Variants in EPS15 observed in about 807,000 individuals in gnomAD.
EPS15 encodes epidermal growth factor receptor substrate 15.
EPS15 carries 72 observed loss-of-function variants against 113.8 expected under a neutral mutation model. The ratio of observed to expected loss-of-function variants is 0.63; its 90% confidence interval spans 0.52 to 0.77. The LOEUF is 0.77. Ranked by LOEUF, EPS15 falls within the 30% of genes least tolerant of loss-of-function variation. The probability of loss-of-function intolerance (pLI) is 0.00; values close to 1 mark genes in which losing one functional copy is unlikely to be tolerated. For missense variants in EPS15, 1,048 were observed against 1,045.8 expected (o/e 1.00, Z -0.03); for synonymous variants, 344 against 363.4 (o/e 0.95, Z 0.61).
intron 21 of EPS15, among the ~76,000 whole-genome samples, chr1:51,370,878 C>T (rs1302691165): frequency 6.6e-6 from 1 of 151,336 alleles, no homozygotes; most frequent in East Asian, 2.0e-4. Context: ...CTCAGCCTTC[C>T]AAAGTGCTGG....
intron 23 of EPS15, 55 bp from the exon 24 acceptor site, chr1:51,361,410 C>CCTGGAGGTTGTGT: frequency 7.4e-7 from 1 of 1,357,690 alleles, no homozygotes; most frequent in East Asian, 2.3e-5. Flanking sequence ...AATACAAGCA[C>CCTGGAGGTTGTGT]ACAAGAACAT....
chr1:51,446,429 T>A (rs914213978), intron 10 of EPS15, among the ~76,000 whole-genome samples: 3 of 151,550 alleles, frequency 2.0e-5, no homozygotes, highest in African/African-American at 7.3e-5. Context: ...AACATTCTAA[T>A]AACAATTAAC....
chr1:51,405,471 T>C (rs920319722), intron 16 of EPS15, among the ~76,000 whole-genome samples: 3 of 152,136 alleles, frequency 2.0e-5, no homozygotes, highest in Non-Finnish European at 4.4e-5. Flanking sequence ...CCGAGGCAGA[T>C]GGGTCACTTG....
chr1:51,478,423 T>C (rs1643955986), intron 2 of EPS15, among the ~76,000 whole-genome samples: 1 of 152,182 alleles, frequency 6.6e-6, no homozygotes, highest in African/African-American at 2.4e-5. Context: ...TGCCAGTCTG[T>C]GTCTTTTAAT....
intron 13 of EPS15, among the ~76,000 whole-genome samples, chr1:51,413,498 T>A (rs566622845): frequency 2.0e-4 from 30 of 152,334 alleles, no homozygotes; most frequent in African/African-American, 7.2e-4. Context: ...GAAACACGCA[T>A]GAGACTGACA....
intron 1 of EPS15, among the ~76,000 whole-genome samples, chr1:51,508,252 G>GAGAA (rs1476849786): frequency 0.03 from 2,933 of 98,998 alleles, 49 homozygotes; most frequent in East Asian, 0.12. Flanking sequence ...GAGAGAAAGA[G>GAGAA]AGAGAGAGAG....
chr1:51,431,024 AC>A lies in EPS15; in HGVS notation c.1041-9167del, dbSNP rs1557462663. Among the ~76,000 whole-genome samples the A allele has an allele frequency of 2.9e-3, 351 of 121,478 alleles. 1 individual carries two copies. Among genetic ancestry groups the A allele is most frequent in the African/African-American group, 7.2e-3 (192 of 26,630 alleles). The allele number at this position is 121,478 out of a possible 152,430, so 79.7% of individuals were successfully genotyped here. A position where few individuals can be genotyped will look rare whatever the true frequency, so the allele number is the denominator to read the frequency against. The stretch of plus-strand genomic sequence containing the variant: ...CACACACACACACACACACACACAC[AC>A]ACAAAAATAAAACTTGCCTTAATTA... On this transcript the variant is annotated intron_variant, in intron 12 of 24. Transcript: ENST00000371733.
chr1:51,477,272 T>C (rs1172640820), intron 2 of EPS15, among the ~76,000 whole-genome samples: 1 of 152,198 alleles, frequency 6.6e-6, no homozygotes, highest in Non-Finnish European at 1.5e-5. Flanking sequence ...TGATGGTAGT[T>C]TGTATTTCTG....
Position 51,468,336 on chromosome 1 carries a change from T to G in EPS15, c.309+137A>C, listed in dbSNP as rs1041907488. On this transcript the variant is annotated intron_variant, in intron 5 of 24. Coordinates refer to ENST00000371733, the MANE Select transcript of EPS15 (RefSeq NM_001981.3). ...ATTAACTAAAAACAGCAGGAGCCAG[T>G]AGGGGGAAAAAAGCCAAGTAGCTGA... 3 of 678,568 alleles carry G rather than the reference T, an allele frequency of 4.4e-6. No individual in the cohort carries two copies. The African/African-American group carries it at 5.4e-5, about 12-fold the overall frequency. 42.0% of individuals were successfully genotyped at this position (678,568 alleles called of 1,614,324 possible).
intron 1 of EPS15, among the ~76,000 whole-genome samples, chr1:51,508,244 G>GAAAAGAAA (rs57780777): frequency 9.1e-3 from 440 of 48,414 alleles, no homozygotes; most frequent in South Asian, 0.032. Context: ...AAAAGAAAGA[G>GAAAAGAAA]AGAAAGAGAG....
In EPS15 at chr1:51,465,300, GAT is replaced by G; in HGVS notation, c.334_335del (p.Ile112GlnfsTer7). 1 of 1,611,172 alleles carries G rather than the reference GAT, an allele frequency of 6.2e-7. No homozygotes were observed. Among genetic ancestry groups the G allele is most frequent in the East Asian group, 2.2e-5 (1 of 44,768 alleles). ...RFHDTSSPLL[I>X]SGTSAAELPW... The stretch of plus-strand genomic sequence containing the variant: ...GGAGCTCAGCTGCAGAGGTTCCACT[GAT>G]TAGCAAAGGACTACTGGTATCATGC... On this transcript the variant is annotated frameshift_variant, in exon 6 of 25. Transcript: ENST00000371733. LOFTEE classifies it high-confidence loss of function.
chr1:51,512,206 C>T (rs1278550506), intron 1 of EPS15, among the ~76,000 whole-genome samples: 2 of 152,112 alleles, frequency 1.3e-5, no homozygotes, highest in African/African-American at 2.4e-5. Context: ...AAATAAGTCA[C>T]CAGTTCATTT....
chr1:51,487,745 A>G (rs1646890064), intron 1 of EPS15, among the ~76,000 whole-genome samples: 1 of 152,362 alleles, frequency 6.6e-6, no homozygotes, highest in South Asian at 2.1e-4. Context: ...AGGAGAAGAT[A>G]TTAGCTCACC....
At chr1:51,501,079 T>C (rs1031065555) in intron 1 of EPS15, among the ~76,000 whole-genome samples, 13 of 151,912 alleles carry the variant, frequency 8.6e-5, no homozygotes, top group Non-Finnish European at 4.4e-5. Flanking sequence ...GTACTATAAA[T>C]AGTCTTTGTG....
intron 12 of EPS15, 129 bp from the exon 13 acceptor site, chr1:51,421,987 A>T: frequency 2.9e-6 from 4 of 1,383,044 alleles, no homozygotes; most frequent in Non-Finnish European, 3.8e-6. Context: ...AATGAAGGGC[A>T]GATTTTTCTA....
Position 51,394,366 on chromosome 1 carries a change from A to T in EPS15, c.2119+15T>A, listed in dbSNP as rs1317181960. On this transcript the variant is annotated intron_variant, in intron 21 of 24. Coordinates refer to ENST00000371733, the MANE Select transcript of EPS15 (RefSeq NM_001981.3). ...ATGTTTAATGTTCAATGAAGTTGAT[A>T]AATTATTTATTTACCTGAATCGCTT... 2 of 1,549,956 alleles carry T rather than the reference A, an allele frequency of 1.3e-6. No individual in the cohort carries two copies. The highest frequency in any genetic ancestry group is 1.8e-5 in the Admixed American group (1 of 56,006).
chr1:51,486,605 G>A (rs1209344195), intron 1 of EPS15, among the ~76,000 whole-genome samples: 1 of 152,064 alleles, frequency 6.6e-6, no homozygotes, highest in East Asian at 1.9e-4. Flanking sequence ...AGTAAAAACA[G>A]AGATTACCTT....
At chr1:51,453,580 G>A (rs7549556) in intron 8 of EPS15, among the ~76,000 whole-genome samples, 4,570 of 152,198 alleles carry the variant, frequency 0.03, 74 homozygotes, top group African/African-American at 0.05. Context: ...ATACTAGCAA[G>A]TGCATTTACA....
chr1:51,358,709 G>GTTTTTTTTTTTTTT (rs71063028), intron 24 of EPS15, among the ~76,000 whole-genome samples: 1 of 121,378 alleles, frequency 8.2e-6, no homozygotes. Context: ...GTTTTTTTTT[G>GTTTTTTTTTTTTTT]TTTTTTTTTT....
Sources: gnomAD v4.1 joint callset for allele counts (sites outside exome capture counted in the v4.1 genomes callset) on GRCh38, gnomAD v4.1.1 for gene constraint, MANE v1.5 for transcripts, NCBI Gene and HGNC (gene_info 2026-07-23, HGNC 2026-07-21) for gene names.